The following ATXN2 variants were observed in gnomAD, a reference collection of about 807,000 sequenced individuals.
ATXN2 encodes the protein ataxin-2.
ATXN2 carries 37 observed loss-of-function variants against 138.6 expected under a neutral mutation model. The ratio of observed to expected loss-of-function variants is 0.27; its 90% confidence interval spans 0.21 to 0.35. ATXN2 has a LOEUF of 0.35. Ranked by LOEUF, ATXN2 falls within the 10% of genes least tolerant of loss-of-function variation. The pLI is 1.00. For missense variants in ATXN2, 1,216 were observed against 1,480.3 expected, an observed-to-expected ratio of 0.82 and a Z score of 2.93; for synonymous variants, 549 against 543.7, an observed-to-expected ratio of 1.01 and a Z score of -0.13.
intron 18 of ATXN2, among the ~76,000 whole-genome samples, chr12:111,476,476 A>C (rs928175895): frequency 6.6e-6 from 1 of 151,904 alleles, no homozygotes; most frequent in African/African-American, 2.4e-5. Flanking sequence ...AAAAAAACCC[A>C]AAAACACCAA....
chr12:111,537,496 T>A (rs1440777347), intron 5 of ATXN2, among the ~76,000 whole-genome samples: 1 of 150,518 alleles, frequency 6.6e-6, no homozygotes, highest in Non-Finnish European at 1.5e-5. Flanking sequence ...GGCAGGAGAA[T>A]CGCTTCAACC....
At chr12:111,459,369 TA>T (rs1221049197) in intron 21 of ATXN2, among the ~76,000 whole-genome samples, 10 of 152,338 alleles carry the variant, frequency 6.6e-5, no homozygotes, top group Middle Eastern at 3.4e-3. Flanking sequence ...TGACTTGGTC[TA>T]AAAGATTTGA....
intron 1 of ATXN2, among the ~76,000 whole-genome samples, chr12:111,592,250 C>A (rs1440209357): frequency 6.6e-6 from 1 of 151,470 alleles, no homozygotes; most frequent in Non-Finnish European, 1.5e-5. Flanking sequence ...CTTAGCCAGG[C>A]ATGGTGGCGG....
intron 18 of ATXN2, among the ~76,000 whole-genome samples, chr12:111,472,608 G>A (rs1876492704): frequency 6.6e-6 from 1 of 152,168 alleles, no homozygotes; most frequent in Non-Finnish European, 1.5e-5. Context: ...TCGCTCGGTT[G>A]CCCAAGCTGG....
chr12:111,505,059 A>C, intron 14 of ATXN2, among the ~76,000 whole-genome samples: 1 of 152,152 alleles, frequency 6.6e-6, no homozygotes, highest in Non-Finnish European at 1.5e-5. Context: ...TTCTGTCTCT[A>C]CAAAAAAATA....
chr12:111,458,632 A>G (rs1269612559), intron 21 of ATXN2, among the ~76,000 whole-genome samples: 2 of 152,242 alleles, frequency 1.3e-5, no homozygotes, highest in African/African-American at 4.8e-5. Flanking sequence ...AAATCCCTCA[A>G]GATAATAAGC....
intron 1 of ATXN2, among the ~76,000 whole-genome samples, chr12:111,592,035 T>C (rs1196971394): frequency 9.3e-5 from 14 of 150,280 alleles, no homozygotes; most frequent in Non-Finnish European, 1.5e-5. Context: ...TGAGCTGAGA[T>C]TGCACCACTG....
At chr12:111,575,760 G>A (rs902448482) in intron 1 of ATXN2, among the ~76,000 whole-genome samples, 5 of 152,164 alleles carry the variant, frequency 3.3e-5, no homozygotes, top group Admixed American at 6.6e-5. Flanking sequence ...CTTTCTACAT[G>A]ACAGGGTCAA....
intron 5 of ATXN2, among the ~76,000 whole-genome samples, chr12:111,542,620 C>A (rs1212461203): frequency 6.6e-6 from 1 of 152,150 alleles, no homozygotes; most frequent in Admixed American, 6.6e-5. Flanking sequence ...GAGTACACCA[C>A]CACACCCGGC....
At chr12:111,465,580 G>A (rs1463652858) in intron 20 of ATXN2, among the ~76,000 whole-genome samples, 2 of 151,286 alleles carry the variant, frequency 1.3e-5, no homozygotes, top group Non-Finnish European at 2.9e-5. Context: ...GATCAGCCTG[G>A]CCAAGACGGT....
At chr12:111,536,932 G>A (rs1056623235) in intron 5 of ATXN2, among the ~76,000 whole-genome samples, 2 of 151,694 alleles carry the variant, frequency 1.3e-5, no homozygotes, top group Non-Finnish European at 2.9e-5. Context: ...ACAGGTGCAC[G>A]CCACCACACC....
intron 14 of ATXN2, among the ~76,000 whole-genome samples, chr12:111,496,111 T>C (rs1332966435): frequency 2.0e-5 from 3 of 151,920 alleles, no homozygotes; most frequent in Non-Finnish European, 4.4e-5. Context: ...GCCAAGATCA[T>C]GACATGTACT....
upstream of ATXN2, chr12:111,599,599 A>C: frequency 9.2e-7 from 1 of 1,089,486 alleles, no homozygotes; most frequent in African/African-American, 1.7e-5. Flanking sequence ...GTCAGACGGA[A>C]GCAGAACGTG....
chr12:111,516,090 T>C lies in ATXN2; in HGVS notation c.1375+64A>G. 1 of 1,433,098 alleles carries C rather than the reference T, an allele frequency of 7.0e-7. No homozygotes were observed. The highest frequency in any genetic ancestry group is 9.5e-7 in the Non-Finnish European group (1 of 1,053,438). 88.8% of individuals were successfully genotyped at this position (1,433,098 alleles called of 1,614,324 possible). A position where few individuals can be genotyped will look rare whatever the true frequency, so the allele number is the denominator to read the frequency against. ...TAATGAAGAGGAAACTATTTTGTAA[T>C]TATAAACTCACATAGGAGTTAAACA... On this transcript the variant is annotated intron_variant, in intron 10 of 24. Coordinates refer to ENST00000673436, the MANE Select transcript of ATXN2 (RefSeq NM_001372574.1). The surrounding 1 kb of genome is among the most constrained non-coding windows in gnomAD (Gnocchi z 5.0).
Position 111,520,979 on chromosome 12 carries a change from A to G in ATXN2, c.697-6T>C. The G allele has an allele frequency of 6.5e-7, 1 of 1,526,964 alleles. No individual in the cohort carries two copies. Among genetic ancestry groups the G allele is most frequent in the Non-Finnish European group, 9.0e-7 (1 of 1,113,314 alleles). The allele number at this position is 1,526,964 out of a possible 1,614,324, so 94.6% of individuals were successfully genotyped here. On this transcript the variant is annotated splice_polypyrimidine_tract_variant and splice_region_variant and intron_variant, in intron 6 of 24. Coordinates refer to ENST00000673436, the MANE Select transcript of ATXN2 (RefSeq NM_001372574.1). The stretch of plus-strand genomic sequence containing the variant: ...TTGGGATCCCATCCATTAGACTAGA[A>G]GAAAATGAAGCTTGTTTTTCAAAAT...
intron 7 of ATXN2, among the ~76,000 whole-genome samples, chr12:111,520,468 T>C (rs1026410848): frequency 2.0e-5 from 3 of 152,046 alleles, no homozygotes; most frequent in African/African-American, 7.3e-5. Context: ...CTGGCCAACA[T>C]GGTGAAACCC....
intron 18 of ATXN2, among the ~76,000 whole-genome samples, chr12:111,473,569 G>A (rs1876572751): frequency 6.6e-6 from 1 of 152,028 alleles, no homozygotes; most frequent in Admixed American, 6.6e-5. Flanking sequence ...CAACCCCTAA[G>A]GAAATAACTG....
rs1043434748 is a variant in ATXN2, at chr12:111,540,944, G to A, written c.571+11336C>T. On this transcript the variant is annotated intron_variant, in intron 5 of 24. Coordinates refer to ENST00000673436, the MANE Select transcript of ATXN2 (RefSeq NM_001372574.1). ...ACTCCTGACCTCAAGTGATCCACCCGCTTTGGCCTCCCAAAGTGCTGGGAT... is the reference window on the plus strand; with the variant it reads ...ACTCCTGACCTCAAGTGATCCACCCACTTTGGCCTCCCAAAGTGCTGGGAT... Among the ~76,000 whole-genome samples, 13 of 150,228 alleles carry A rather than the reference G, an allele frequency of 8.7e-5. 1 individual carries two copies. The highest frequency in any genetic ancestry group is 1.9e-4 in the East Asian group (1 of 5,186).
chr12:111,532,356 T>C (rs1176286387), intron 5 of ATXN2, among the ~76,000 whole-genome samples: 1 of 152,244 alleles, frequency 6.6e-6, no homozygotes, highest in East Asian at 1.9e-4. Context: ...GGTGTGCGCC[T>C]GTAATCCCAG....
Sources: allele counts gnomAD v4.1 joint callset (sites outside exome capture counted in the v4.1 genomes callset), GRCh38; gene constraint gnomAD v4.1.1; non-coding constraint Gnocchi (gnomAD v3.1); transcripts MANE v1.5; gene names NCBI Gene and HGNC (gene_info 2026-07-23, HGNC 2026-07-21).